DOCK3: variants seen among roughly 807,000 people sequenced by gnomAD.
DOCK3 encodes the protein dedicator of cytokinesis 3.
DOCK3 carries 60 observed loss-of-function variants against 265.6 expected under a neutral mutation model. That is an observed-to-expected ratio of 0.23 (90% CI 0.18 to 0.28). The LOEUF is 0.28. DOCK3 is among the 10% of genes least tolerant of loss of function. The pLI is 1.00. For missense variants in DOCK3, 1,981 were observed against 2,594.3 expected (o/e 0.76, Z 5.14); for synonymous variants, 881 against 938.0 (o/e 0.94, Z 1.11).
At chr3:51,272,961 G>A (rs1463398018) in intron 24 of DOCK3, among the ~76,000 whole-genome samples, 4 of 151,818 alleles carry the variant, frequency 2.6e-5, no homozygotes, top group Non-Finnish European at 4.4e-5. Context: ...TCAGGAGATC[G>A]AGACATCCTG....
intron 52 of DOCK3, 107 bp downstream of exon 52, chr3:51,380,314 C>T (rs1490321267): frequency 1.9e-6 from 2 of 1,074,574 alleles, no homozygotes; most frequent in East Asian, 2.6e-5. Flanking sequence ...TCCCCTTCAC[C>T]TCTCTCCCCA....
At chr3:51,014,989 G>A (rs534968527) in intron 5 of DOCK3, among the ~76,000 whole-genome samples, 1 of 152,194 alleles carries the variant, frequency 6.6e-6, no homozygotes, top group Non-Finnish European at 1.5e-5. Flanking sequence ...ACTTGATTCA[G>A]TATCCTCCAA....
At chr3:51,282,503 C>T (rs2081177241) in intron 27 of DOCK3, among the ~76,000 whole-genome samples, 2 of 151,676 alleles carry the variant, frequency 1.3e-5, no homozygotes, top group South Asian at 4.2e-4. Context: ...AAAATACAAA[C>T]TTATACGGGT....
chr3:51,246,840 C>A (rs1195328574), intron 22 of DOCK3, 33 bp downstream of exon 22: 2 of 1,591,732 alleles, frequency 1.3e-6, no homozygotes, highest in Non-Finnish European at 1.7e-6. Context: ...CATAAGAGAC[C>A]CACTCATGCA....
At chr3:50,829,998 A>T (rs2045040809) in intron 2 of DOCK3, among the ~76,000 whole-genome samples, 1 of 152,150 alleles carries the variant, frequency 6.6e-6, no homozygotes, top group South Asian at 2.1e-4. Flanking sequence ...TATTGTGTAA[A>T]TTTTTCAGTG....
intron 12 of DOCK3, among the ~76,000 whole-genome samples, chr3:51,205,379 A>T (rs1373581501): frequency 6.6e-6 from 1 of 152,002 alleles, no homozygotes; most frequent in Non-Finnish European, 1.5e-5. Flanking sequence ...TGGGGTTAGG[A>T]CTAAAGAGAA....
chr3:51,227,339 C>T lies in DOCK3; in HGVS notation c.1434C>T (p.Val478=), dbSNP rs756863672. The T allele has an allele frequency of 1.2e-6, 2 of 1,613,930 alleles. No homozygotes were observed. Among genetic ancestry groups the T allele is most frequent in the Non-Finnish European group, 8.5e-7 (1 of 1,179,884 alleles). ...EPNRSSYHSF[V]LYHSNSPRWG... ...ATAGGAGTTCCTACCACTCCTTTGTCCTCTACCACAGTAATAGTCCTCGCT... is the reference window on the plus strand; with the variant it reads ...ATAGGAGTTCCTACCACTCCTTTGTTCTCTACCACAGTAATAGTCCTCGCT... The change falls in exon 16 of 53, where the codon GTC becomes GTT. Residue 478 remains valine, a synonymous_variant. Coordinates refer to ENST00000266037, the MANE Select transcript of DOCK3 (RefSeq NM_004947.5).
intron 14 of DOCK3, among the ~76,000 whole-genome samples, chr3:51,216,509 A>G (rs924459266): frequency 4.6e-5 from 7 of 152,194 alleles, no homozygotes; most frequent in Admixed American, 4.6e-4. Context: ...CCTTTGAAGT[A>G]CTGAGTGCTG....
chr3:50,907,871 G>A (rs1381596495), intron 4 of DOCK3, among the ~76,000 whole-genome samples: 2 of 151,908 alleles, frequency 1.3e-5, no homozygotes, highest in African/African-American at 4.8e-5. Context: ...TGGATGGTAG[G>A]CTATTTATTA....
At chr3:51,062,551 C>T (rs1426802964) in intron 5 of DOCK3, among the ~76,000 whole-genome samples, 2 of 152,198 alleles carry the variant, frequency 1.3e-5, no homozygotes, top group Non-Finnish European at 2.9e-5. Flanking sequence ...CCCTTGGCCA[C>T]TCTGATTTTT....
intron 10 of DOCK3, among the ~76,000 whole-genome samples, chr3:51,153,727 G>C (rs534332442): frequency 6.6e-6 from 1 of 152,314 alleles, no homozygotes; most frequent in East Asian, 1.9e-4. Context: ...AATCAACTTA[G>C]AAAAGGTTTG....
At chr3:50,855,735 T>A (rs1263470167) in intron 3 of DOCK3, among the ~76,000 whole-genome samples, 2 of 152,168 alleles carry the variant, frequency 1.3e-5, no homozygotes, top group African/African-American at 4.8e-5. Context: ...GTTTTTTACA[T>A]AGGTAAACAT....
intron 12 of DOCK3, among the ~76,000 whole-genome samples, chr3:51,181,867 G>C (rs1290255361): frequency 1.3e-5 from 2 of 152,128 alleles, no homozygotes; most frequent in Admixed American, 6.5e-5. Context: ...CACCCCGTGG[G>C]GTGTCTAATG....
At chr3:50,702,386 T>C (rs1411134281) in intron 1 of DOCK3, among the ~76,000 whole-genome samples, 3 of 152,010 alleles carry the variant, frequency 2.0e-5, no homozygotes, top group Non-Finnish European at 4.4e-5. Context: ...TTTTTTTAGA[T>C]AGAGTCTTGC....
chr3:51,256,070 T>G (rs1223999040), intron 22 of DOCK3, among the ~76,000 whole-genome samples: 3 of 151,622 alleles, frequency 2.0e-5, no homozygotes, highest in Admixed American at 6.6e-5. Flanking sequence ...CCTTTCTGTT[T>G]GTTAGTTTTC....
intron 5 of DOCK3, among the ~76,000 whole-genome samples, chr3:50,966,199 A>G (rs141161696): frequency 2.9e-3 from 435 of 152,206 alleles, no homozygotes; most frequent in Non-Finnish European, 4.6e-3. Flanking sequence ...TATATTCCAC[A>G]TATTTTCTTT....
intron 22 of DOCK3, among the ~76,000 whole-genome samples, chr3:51,259,673 A>G (rs2079749606): frequency 6.6e-6 from 1 of 152,014 alleles, no homozygotes; most frequent in South Asian, 2.1e-4. Context: ...AAAAGGAGGA[A>G]CTGTGTCAGG....
chr3:50,979,296 A>G (rs146583537), intron 5 of DOCK3, among the ~76,000 whole-genome samples: 1 of 152,228 alleles, frequency 6.6e-6, no homozygotes, highest in East Asian at 1.9e-4. Flanking sequence ...TTTGGTAGCT[A>G]TTGTAAATGG....
intron 3 of DOCK3, among the ~76,000 whole-genome samples, chr3:50,883,112 T>A (rs2107672340): frequency 6.6e-6 from 1 of 152,056 alleles, no homozygotes; most frequent in South Asian, 2.1e-4. Context: ...CACCAGGGCC[T>A]GTCGTGGGGT....
Sources: gnomAD v4.1 joint callset for allele counts (sites outside exome capture counted in the v4.1 genomes callset) on GRCh38, gnomAD v4.1.1 for gene constraint, MANE v1.5 for transcripts, NCBI Gene and HGNC (gene_info 2026-07-23, HGNC 2026-07-21) for gene names.